GRM5: variants seen among roughly 807,000 people sequenced by gnomAD.
The protein encoded by GRM5 is glutamate metabotropic receptor 5, also known as metabotropic glutamate receptor 5.
Under a neutral mutation model 83.1 loss-of-function variants are expected in GRM5, and 19 were observed. That is an observed-to-expected ratio of 0.23 (90% confidence interval 0.16 to 0.34). The LOEUF (loss-of-function observed/expected upper bound fraction) is 0.34, where lower values mean the gene tolerates loss of function less well. GRM5 is among the 10% of genes least tolerant of loss of function. The pLI is 1.00. For missense variants in GRM5, 1,160 were observed against 1,588.3 expected (o/e 0.73, Z 4.58); for synonymous variants, 675 against 633.6 (o/e 1.07, Z -0.98).
chr11:88,560,522 G>A (rs1942730168), intron 8 of GRM5, among the ~76,000 whole-genome samples: 1 of 152,086 alleles, frequency 6.6e-6, no homozygotes, highest in African/African-American at 2.4e-5. Flanking sequence ...ATTTTAAAAA[G>A]AAAAGTTGAT....
chr11:88,691,974 A>G (rs1210232818), intron 3 of GRM5, among the ~76,000 whole-genome samples: 1 of 152,222 alleles, frequency 6.6e-6, no homozygotes, highest in Admixed American at 6.5e-5. Context: ...GGGCTTCAAA[A>G]TCTGGCCTTA....
At chr11:88,859,093 C>T (rs1944521020) in intron 2 of GRM5, among the ~76,000 whole-genome samples, 1 of 151,710 alleles carries the variant, frequency 6.6e-6, no homozygotes, top group Non-Finnish European at 1.5e-5. Flanking sequence ...TTTTAAAACA[C>T]TCTGTTGAAA....
intron 3 of GRM5, among the ~76,000 whole-genome samples, chr11:88,676,485 G>A (rs1422633898): frequency 2.0e-5 from 3 of 151,716 alleles, no homozygotes; most frequent in Non-Finnish European, 4.4e-5. Flanking sequence ...TCCAGTGCTT[G>A]GCAAATAGTA....
chr11:88,663,316 C>T (rs1939953745), intron 3 of GRM5, among the ~76,000 whole-genome samples: 1 of 152,154 alleles, frequency 6.6e-6, no homozygotes, highest in Non-Finnish European at 1.5e-5. Flanking sequence ...GGTTTAATGT[C>T]TTGTGGCTCC....
intron 6 of GRM5, among the ~76,000 whole-genome samples, chr11:88,591,582 C>A (rs1326116122): frequency 6.6e-6 from 1 of 152,094 alleles, no homozygotes; most frequent in Non-Finnish European, 1.5e-5. Context: ...CAGCAATGAC[C>A]AGAGACAGTA....
At chr11:88,847,696 G>T (rs7935536) in intron 3 of GRM5, among the ~76,000 whole-genome samples, 1 of 151,850 alleles carries the variant, frequency 6.6e-6, no homozygotes, top group East Asian at 1.9e-4. Flanking sequence ...ATGAACTGAT[G>T]TTCAAGTAAA....
At chr11:89,006,413 T>G (rs376204409) in intron 2 of GRM5, among the ~76,000 whole-genome samples, 26 of 152,298 alleles carry the variant, frequency 1.7e-4, no homozygotes, top group Middle Eastern at 6.8e-3. Flanking sequence ...TCATTAACTC[T>G]AACTCTCTCC....
rs1408664533 is a variant in GRM5, at chr11:88,518,673, C to T, written c.2726+6636G>A. ...TTAGCCATACTGTCATCCCTGCTTC[C>T]CTCCAATCCTGACCACCATCCAAAT... On this transcript the variant is annotated intron_variant, in intron 9 of 9. Coordinates refer to ENST00000305447, the MANE Select transcript of GRM5 (RefSeq NM_001143831.3). Among the ~76,000 whole-genome samples, 6 of 151,932 alleles carry T rather than the reference C, an allele frequency of 3.9e-5. 1 individual carries two copies. In the South Asian group the frequency reaches 6.2e-4, roughly 16 times the overall value.
At chr11:88,529,844 C>A (rs1306798471) in intron 8 of GRM5, among the ~76,000 whole-genome samples, 1 of 151,832 alleles carries the variant, frequency 6.6e-6, no homozygotes, top group South Asian at 2.1e-4. Context: ...TAGAATGATA[C>A]CCCAGTTACT....
intron 3 of GRM5, among the ~76,000 whole-genome samples, chr11:88,834,516 T>A (rs1397223454): frequency 6.6e-6 from 1 of 152,224 alleles, no homozygotes; most frequent in African/African-American, 2.4e-5. Flanking sequence ...AGTCTAATAA[T>A]ATGAAGTCAG....
intron 3 of GRM5, among the ~76,000 whole-genome samples, chr11:88,718,686 A>G (rs1042757655): frequency 3.3e-5 from 5 of 151,902 alleles, no homozygotes; most frequent in African/African-American, 7.2e-5. Flanking sequence ...TCACTTCTCT[A>G]TCTTCCTAGT....
At chr11:88,565,104 T>C (rs1478056513) in intron 8 of GRM5, among the ~76,000 whole-genome samples, 1 of 152,224 alleles carries the variant, frequency 6.6e-6, no homozygotes, top group Non-Finnish European at 1.5e-5. Context: ...CTATGAAGTA[T>C]GCATTTCTTT....
intron 3 of GRM5, among the ~76,000 whole-genome samples, chr11:88,801,421 G>T (rs1943392075): frequency 6.6e-6 from 1 of 152,118 alleles, no homozygotes; most frequent in Admixed American, 6.6e-5. Context: ...AGCCTAACAT[G>T]GTTCATGCTT....
chr11:88,938,542 G>A (rs1481259984), intron 2 of GRM5, among the ~76,000 whole-genome samples: 1 of 105,684 alleles, frequency 9.5e-6, no homozygotes, highest in African/African-American at 3.5e-5. Flanking sequence ...TTTTTATGAG[G>A]TATTACTTCA....
chr11:88,692,496 G>A (rs746989910), intron 3 of GRM5, among the ~76,000 whole-genome samples: 12 of 152,084 alleles, frequency 7.9e-5, no homozygotes, highest in Middle Eastern at 3.2e-3. Context: ...TATGACATCC[G>A]AAAGTCCCAT....
intron 2 of GRM5, among the ~76,000 whole-genome samples, chr11:88,982,350 AC>A (rs1939552859): frequency 1.3e-5 from 2 of 152,168 alleles, no homozygotes; most frequent in African/African-American, 4.8e-5. Flanking sequence ...TGATATATAA[AC>A]CTTTAGCTTA....
intron 3 of GRM5, among the ~76,000 whole-genome samples, chr11:88,828,893 C>A (rs967534401): frequency 2.0e-5 from 3 of 151,584 alleles, no homozygotes; most frequent in African/African-American, 7.3e-5. Flanking sequence ...CAAGAAAACA[C>A]AAAATATTTA....
Position 88,508,808 on chromosome 11 carries a change from C to A in GRM5, c.3423G>T (p.Arg1141=). 1 of 1,521,984 alleles carries A rather than the reference C, an allele frequency of 6.6e-7. No individual in the cohort carries two copies. The highest frequency in any genetic ancestry group is 8.8e-7 in the Non-Finnish European group (1 of 1,135,040). 94.3% of individuals were successfully genotyped at this position (1,521,984 alleles called of 1,614,324 possible). Reference sequence around the variant, plus strand: ...CCTCGGGACCGGCCGCGGGGCTCTCCCGGGCCGCGTCCCCAGCCGCCTGCG... The same window carrying A: ...CCTCGGGACCGGCCGCGGGGCTCTCACGGGCCGCGTCCCCAGCCGCCTGCG... ...AGAQAAGDAA[R]ESPAAGPEAA... The change falls in exon 10 of 10, where the codon CGG becomes CGT. Residue 1141 remains arginine (R), a synonymous_variant. Coordinates refer to ENST00000305447, the MANE Select transcript of GRM5 (RefSeq NM_001143831.3). This position sits in a 1 kb window ranked among gnomAD's most constrained non-coding sequence, Gnocchi z 4.2.
chr11:88,740,181 A>G (rs1399503770), intron 3 of GRM5, among the ~76,000 whole-genome samples: 1 of 152,072 alleles, frequency 6.6e-6, no homozygotes, highest in Non-Finnish European at 1.5e-5. Context: ...TTACTTCCAC[A>G]CACTAATTTT....
Sources: allele counts gnomAD v4.1 joint callset (sites outside exome capture counted in the v4.1 genomes callset), GRCh38; gene constraint gnomAD v4.1.1; non-coding constraint Gnocchi (gnomAD v3.1); transcripts MANE v1.5; gene names NCBI Gene and HGNC (gene_info 2026-07-23, HGNC 2026-07-21).